The following FRK variants were observed in gnomAD, a reference collection of about 807,000 sequenced individuals.
FRK encodes fyn related Src family tyrosine kinase, also known as tyrosine-protein kinase FRK.
A neutral mutation model predicts 56.4 loss-of-function variants in FRK; 51 were observed. That is an observed-to-expected ratio of 0.90 (90% CI 0.72 to 1.14). FRK has a LOEUF of 1.14. Ranked by LOEUF, FRK falls within the 50% of genes most tolerant of loss-of-function variation. The pLI, the probability that FRK is intolerant of heterozygous loss-of-function variation, is 0.00. For synonymous variants in FRK, 245 were observed against 217.9 expected (o/e 1.12, Z -1.10); for missense variants, 570 against 601.4 (o/e 0.95, Z 0.55).
At chr6:116,025,942 A>C (rs555824569) in intron 1 of FRK, among the ~76,000 whole-genome samples, 1 of 152,106 alleles carries the variant, frequency 6.6e-6, no homozygotes, top group Admixed American at 6.6e-5. Flanking sequence ...AGATGAGGAA[A>C]CTCATCTGAG....
At chr6:116,074,376 C>T in the FRK span, among the ~76,000 whole-genome samples, 1 of 152,104 alleles carries the variant, frequency 6.6e-6, no homozygotes, top group Non-Finnish European at 1.5e-5. Flanking sequence ...CCAGGCAAAC[C>T]CAAATGGTTG....
chr6:115,935,939 C>T lies in FRK; in HGVS notation c.*6475G>A, dbSNP rs2083503. Reference sequence around the variant, plus strand: ...CTTCAGCAGACTTAAATATCTCTGCCGGACAGCTCTGAAGAGAGTAGTGGA... The same window carrying T: ...CTTCAGCAGACTTAAATATCTCTGCTGGACAGCTCTGAAGAGAGTAGTGGA... On this transcript the variant is annotated 3_prime_UTR_variant, in exon 8 of 8. Transcript: ENST00000606080. 0.041 allele frequency: 6,211 copies of T among 152,380 alleles called. 341 individuals carry two copies. Among genetic ancestry groups the T allele is most frequent in the Admixed American group, 0.15 (2,289 of 15,288 alleles). The allele number at this position is 152,380 out of a possible 1,614,324, so 9.4% of individuals were successfully genotyped here.
chr6:116,025,096 C>T (rs1002535505), intron 1 of FRK, among the ~76,000 whole-genome samples: 4 of 152,054 alleles, frequency 2.6e-5, no homozygotes, highest in Non-Finnish European at 5.9e-5. Context: ...GGAGAGAGGG[C>T]TTTAAAGCAA....
At chr6:116,030,277 A>C (rs1432562884) in intron 1 of FRK, among the ~76,000 whole-genome samples, 1 of 152,086 alleles carries the variant, frequency 6.6e-6, no homozygotes, top group African/African-American at 2.4e-5. Context: ...ATAAAATGCT[A>C]ATTCCCTTGG....
intron 2 of FRK, among the ~76,000 whole-genome samples, chr6:115,994,928 G>A (rs1414219714): frequency 1.3e-5 from 2 of 152,150 alleles, no homozygotes; most frequent in Non-Finnish European, 2.9e-5. Context: ...GGAAGGGCCA[G>A]ATCACTGAGT....
chr6:115,962,001 C>A (rs1271463529), intron 4 of FRK, among the ~76,000 whole-genome samples: 3 of 103,828 alleles, frequency 2.9e-5, no homozygotes, highest in East Asian at 2.6e-4. Flanking sequence ...CGAGCAAAAT[C>A]ACCAGCTAAC....
rs909196631 is a variant in FRK, at chr6:115,939,590, T to C, written c.*2824A>G. ...ATTGTATATATAGGGAACCCCACCA[T>C]CTCAGCCCAAAATCTCCTTAAGCTG... On this transcript the variant is annotated 3_prime_UTR_variant, in exon 8 of 8. Coordinates refer to ENST00000606080, the MANE Select transcript of FRK (RefSeq NM_002031.3). The C allele has an allele frequency of 6.6e-6, 1 of 152,208 alleles. No individual in the cohort carries two copies. Among genetic ancestry groups the C allele is most frequent in the African/African-American group, 2.4e-5 (1 of 41,448 alleles). 9.4% of individuals were successfully genotyped at this position (152,208 alleles called of 1,614,324 possible).
At chr6:116,065,626 A>G (rs1464823924), upstream of FRK, among the ~76,000 whole-genome samples, 1 of 152,168 alleles carries the variant, frequency 6.6e-6, no homozygotes, top group Non-Finnish European at 1.5e-5. Context: ...CTCTGTCTTT[A>G]TTAATTCTTT....
the FRK span, among the ~76,000 whole-genome samples, chr6:116,080,050 T>C: frequency 1.1e-4 from 16 of 152,272 alleles, no homozygotes; most frequent in Non-Finnish European, 1.3e-4. Flanking sequence ...GAATATGTAC[T>C]TTTTTTATAA....
chr6:115,986,271 G>T (rs964952965), intron 2 of FRK, among the ~76,000 whole-genome samples: 9 of 151,892 alleles, frequency 5.9e-5, no homozygotes, highest in African/African-American at 1.9e-4. Context: ...TCTGCTCTCC[G>T]CCATGAGAAA....
chr6:115,983,802 G>A (rs1400435366), intron 2 of FRK, among the ~76,000 whole-genome samples: 1 of 152,024 alleles, frequency 6.6e-6, no homozygotes, highest in African/African-American at 2.4e-5. Flanking sequence ...CAGCCTCACT[G>A]TCCATCTTCC....
chr6:115,953,637 C>T (rs1772877376), intron 5 of FRK, among the ~76,000 whole-genome samples: 1 of 152,184 alleles, frequency 6.6e-6, no homozygotes, highest in South Asian at 2.1e-4. Flanking sequence ...AACCCTGAAG[C>T]TGATAGGGTT....
At chr6:116,009,342 C>T (rs1375568372) in intron 1 of FRK, among the ~76,000 whole-genome samples, 2 of 152,196 alleles carry the variant, frequency 1.3e-5, no homozygotes, top group African/African-American at 2.4e-5. Flanking sequence ...TTCATACCTA[C>T]CAAATCATAA....
At chr6:115,962,376 G>T (rs1246086180) in intron 4 of FRK, among the ~76,000 whole-genome samples, 1 of 149,940 alleles carries the variant, frequency 6.7e-6, no homozygotes, top group Non-Finnish European at 1.5e-5. Flanking sequence ...CCCAATACAG[G>T]AGCACCCAGA....
chr6:115,937,901 A>G lies in FRK; in HGVS notation c.*4513T>C, dbSNP rs1009426395. The G allele has an allele frequency of 1.3e-5, 2 of 152,230 alleles. No homozygotes were observed. Among genetic ancestry groups the G allele is most frequent in the African/African-American group, 4.8e-5 (2 of 41,444 alleles). The allele number at this position is 152,230 out of a possible 1,614,324, so 9.4% of individuals were successfully genotyped here. A position where few individuals can be genotyped will look rare whatever the true frequency, so the allele number is the denominator to read the frequency against. Reference sequence around the variant, plus strand: ...TGGGAAATTTTAACAGCCTGCTGTCAATATTAGACAGATAAATGAGACAGA... The same window carrying G: ...TGGGAAATTTTAACAGCCTGCTGTCGATATTAGACAGATAAATGAGACAGA... On this transcript the variant is annotated 3_prime_UTR_variant, in exon 8 of 8. Coordinates refer to ENST00000606080, the MANE Select transcript of FRK (RefSeq NM_002031.3).
the FRK span, among the ~76,000 whole-genome samples, chr6:116,097,314 T>C: frequency 6.6e-6 from 1 of 152,212 alleles, no homozygotes; most frequent in African/African-American, 2.4e-5. Flanking sequence ...AATGAACTTT[T>C]TTCTTACCCC....
At chr6:116,051,391 T>C (rs770983076) in intron 1 of FRK, among the ~76,000 whole-genome samples, 7 of 152,012 alleles carry the variant, frequency 4.6e-5, no homozygotes, top group Non-Finnish European at 1.0e-4. Flanking sequence ...AATTGGTAAA[T>C]AGAAAAATAT....
intron 5 of FRK, among the ~76,000 whole-genome samples, chr6:115,951,284 G>A (rs1032702337): frequency 6.6e-6 from 1 of 152,116 alleles, no homozygotes; most frequent in African/African-American, 2.4e-5. Flanking sequence ...GTATATACAT[G>A]ATCCTCTCCT....
chr6:116,040,495 G>T (rs1776670718), intron 1 of FRK, among the ~76,000 whole-genome samples: 1 of 151,786 alleles, frequency 6.6e-6, no homozygotes, highest in African/African-American at 2.4e-5. Context: ...CTTATTTGTG[G>T]GCTTTATAAA....
Sources: gnomAD v4.1 joint callset for allele counts (sites outside exome capture counted in the v4.1 genomes callset) on GRCh38, gnomAD v4.1.1 for gene constraint, MANE v1.5 for transcripts, NCBI Gene and HGNC (gene_info 2026-07-23, HGNC 2026-07-21) for gene names.